The following MTMR7 variants were observed in gnomAD, a reference collection of about 807,000 sequenced individuals.
MTMR7 encodes the protein phosphatidylinositol-3-phosphate phosphatase MTMR7.
A neutral mutation model predicts 81.2 loss-of-function variants in MTMR7; 76 were observed. The ratio of observed to expected loss-of-function variants is 0.94; its 90% CI spans 0.78 to 1.13. The LOEUF is 1.13. Among genes scored for constraint, MTMR7 ranks in the 50% most tolerant of loss-of-function variants. The probability of loss-of-function intolerance (pLI) is 0.00; values close to 1 mark genes in which losing one functional copy is unlikely to be tolerated. For synonymous variants in MTMR7, 372 were observed against 289.8 expected, an observed-to-expected ratio of 1.28 and a Z score of -2.88; for missense variants, 1,044 against 820.0, an observed-to-expected ratio of 1.27 and a Z score of -3.34.
At chr8:17,379,705 A>G (rs1401998340) in intron 1 of MTMR7, among the ~76,000 whole-genome samples, 1 of 152,190 alleles carries the variant, frequency 6.6e-6, no homozygotes, top group Non-Finnish European at 1.5e-5. Flanking sequence ...CACCCCTAGG[A>G]CCATAATCCA....
chr8:17,350,230 A>G (rs1197953939), intron 4 of MTMR7, among the ~76,000 whole-genome samples: 1 of 152,188 alleles, frequency 6.6e-6, no homozygotes, highest in Non-Finnish European at 1.5e-5. Context: ...GGAGTCCTCA[A>G]GTACGTCTAA....
chr8:17,326,719 A>G (rs1818701794), intron 7 of MTMR7, among the ~76,000 whole-genome samples: 1 of 152,170 alleles, frequency 6.6e-6, no homozygotes, highest in Non-Finnish European at 1.5e-5. Flanking sequence ...AACAACCATA[A>G]GTGCTTGGAA....
At chr8:17,313,771 G>C (rs997710903) in intron 7 of MTMR7, among the ~76,000 whole-genome samples, 1 of 152,008 alleles carries the variant, frequency 6.6e-6, no homozygotes. Context: ...GTGCTATGAG[G>C]AAAAAAATCA....
chr8:17,326,156 C>T (rs989700194), intron 7 of MTMR7, among the ~76,000 whole-genome samples: 4 of 152,150 alleles, frequency 2.6e-5, no homozygotes, highest in African/African-American at 9.7e-5. Flanking sequence ...CCCACTACCT[C>T]GAGAGGCAGA....
At chr8:17,374,296 G>C (rs1820505540) in intron 1 of MTMR7, among the ~76,000 whole-genome samples, 1 of 152,168 alleles carries the variant, frequency 6.6e-6, no homozygotes, top group Non-Finnish European at 1.5e-5. Flanking sequence ...GACCAGCCTG[G>C]CCAACGTGGT....
At chr8:17,308,273 T>A (rs1817593293) in intron 10 of MTMR7, among the ~76,000 whole-genome samples, 1 of 152,154 alleles carries the variant, frequency 6.6e-6, no homozygotes, top group Non-Finnish European at 1.5e-5. Context: ...GTCATCTGTC[T>A]CCTATCTTGG....
rs1210924641 is a variant in MTMR7, at chr8:17,298,232, C to G, written c.*1630G>C. 2 of 151,948 alleles carry G rather than the reference C, an allele frequency of 1.3e-5. No individual in the cohort carries two copies. The highest frequency in any genetic ancestry group is 2.4e-5 in the African/African-American group (1 of 41,400). The allele number at this position is 151,948 out of a possible 1,614,324, so 9.4% of individuals were successfully genotyped here. On this transcript the variant is annotated 3_prime_UTR_variant, in exon 14 of 14. Transcript: ENST00000180173. ...CTAAGTTTTATTTTAGCAAGGTATT[C>G]CCTATTACATATAGTATATTGCAGA...
intron 4 of MTMR7, among the ~76,000 whole-genome samples, chr8:17,351,918 C>A (rs1277896264): frequency 3.9e-5 from 6 of 152,178 alleles, no homozygotes; most frequent in Non-Finnish European, 8.8e-5. Context: ...ACAATCCTAC[C>A]TTGAAAATAT....
At chr8:17,347,091 G>A (rs1257324825) in intron 5 of MTMR7, among the ~76,000 whole-genome samples, 4 of 151,500 alleles carry the variant, frequency 2.6e-5, no homozygotes, top group African/African-American at 7.3e-5. Flanking sequence ...TGACTCGGGA[G>A]GCTGAGATGG....
chr8:17,359,068 A>C (rs925131397), intron 4 of MTMR7, among the ~76,000 whole-genome samples: 1 of 151,838 alleles, frequency 6.6e-6, no homozygotes, highest in African/African-American at 2.4e-5. Flanking sequence ...TAATTTTTTA[A>C]ATTGCTTTTG....
chr8:17,316,779 G>C (rs1221395930), intron 7 of MTMR7, among the ~76,000 whole-genome samples: 1 of 152,098 alleles, frequency 6.6e-6, no homozygotes, highest in Admixed American at 6.5e-5. Flanking sequence ...TAAATATATG[G>C]GAGGATGTGC....
intron 7 of MTMR7, among the ~76,000 whole-genome samples, chr8:17,319,228 G>C (rs1301773684): frequency 1.3e-5 from 2 of 152,292 alleles, no homozygotes; most frequent in South Asian, 2.1e-4. Context: ...TAGTTACTGA[G>C]CCTCGCTGTC....
chr8:17,306,052 C>A (rs1817433786), intron 10 of MTMR7, 95 bp from the exon 11 acceptor site: 2 of 936,368 alleles, frequency 2.1e-6, no homozygotes, highest in South Asian at 1.8e-5. Flanking sequence ...AACCCTAGTT[C>A]CTAAATAAAT....
At chr8:17,334,247 C>A (rs1338167901) in intron 6 of MTMR7, among the ~76,000 whole-genome samples, 2 of 152,184 alleles carry the variant, frequency 1.3e-5, no homozygotes, top group Admixed American at 6.5e-5. Context: ...ACCCTCAAAG[C>A]AGGAGATACG....
chr8:17,350,371 G>A (rs907649711), intron 4 of MTMR7, among the ~76,000 whole-genome samples: 2 of 152,232 alleles, frequency 1.3e-5, no homozygotes, highest in Non-Finnish European at 2.9e-5. Flanking sequence ...ATGGCAAAAG[G>A]TGAAGGAGGA....
chr8:17,337,533 T>A (rs1323164271), intron 6 of MTMR7, among the ~76,000 whole-genome samples: 1 of 152,196 alleles, frequency 6.6e-6, no homozygotes, highest in Admixed American at 6.5e-5. Flanking sequence ...ACCCTAGCAC[T>A]AATACGTGCC....
At chr8:17,372,695 TTC>T (rs1413154823) in intron 2 of MTMR7, among the ~76,000 whole-genome samples, 1 of 152,172 alleles carries the variant, frequency 6.6e-6, no homozygotes, top group Non-Finnish European at 1.5e-5. Context: ...CCTCTAGATT[TTC>T]TTTCTTTTTA....
At chr8:17,366,402 A>C (rs1585094978) in intron 3 of MTMR7, among the ~76,000 whole-genome samples, 1 of 152,346 alleles carries the variant, frequency 6.6e-6, no homozygotes, top group East Asian at 1.9e-4. Flanking sequence ...TAAAATCAAA[A>C]GTATTTTAAA....
At chr8:17,349,729 T>A (rs1049630260) in intron 4 of MTMR7, among the ~76,000 whole-genome samples, 8 of 152,176 alleles carry the variant, frequency 5.3e-5, no homozygotes, top group African/African-American at 1.9e-4. Context: ...ACAGCTTGAT[T>A]TTTGTTTCTT....
Sources: gnomAD v4.1 joint callset for allele counts (sites outside exome capture counted in the v4.1 genomes callset) on GRCh38, gnomAD v4.1.1 for gene constraint, MANE v1.5 for transcripts, NCBI Gene and HGNC (gene_info 2026-07-23, HGNC 2026-07-21) for gene names.